Variants in PTPRD observed in about 807,000 individuals in gnomAD.
PTPRD encodes receptor-type tyrosine-protein phosphatase delta.
A neutral mutation model predicts 214.5 loss-of-function variants in PTPRD; 34 were observed. That is an observed-to-expected ratio of 0.16 (90% CI 0.12 to 0.21). The LOEUF (loss-of-function observed/expected upper bound fraction) is 0.21, where lower values mean the gene tolerates loss of function less well. PTPRD is among the 10% of genes least tolerant of loss of function. PTPRD has a pLI of 1.00. For synonymous variants in PTPRD, 1,128 were observed against 845.7 expected, an observed-to-expected ratio of 1.33 and a Z score of -5.79; for missense variants, 2,545 against 2,398.7, an observed-to-expected ratio of 1.06 and a Z score of -1.27.
intron 7 of PTPRD, among the ~76,000 whole-genome samples, chr9:9,606,784 A>C (rs1162883090): frequency 6.6e-6 from 1 of 151,496 alleles, no homozygotes; most frequent in Non-Finnish European, 1.5e-5. Context: ...AGAGGTGGAC[A>C]AATACATTTC....
At chr9:10,463,822 T>C (rs1390179736) in intron 2 of PTPRD, among the ~76,000 whole-genome samples, 3 of 152,106 alleles carry the variant, frequency 2.0e-5, no homozygotes, top group African/African-American at 7.2e-5. Flanking sequence ...CAAGTTGTAA[T>C]TCACATATGA....
chr9:9,756,278 T>C (rs2098576483), intron 6 of PTPRD, among the ~76,000 whole-genome samples: 1 of 152,146 alleles, frequency 6.6e-6, no homozygotes, highest in African/African-American at 2.4e-5. Flanking sequence ...CTATGGTTTC[T>C]CTCTCAGTAT....
intron 8 of PTPRD, among the ~76,000 whole-genome samples, chr9:9,473,763 T>A (rs1254312172): frequency 2.6e-5 from 4 of 152,068 alleles, no homozygotes; most frequent in Non-Finnish European, 5.9e-5. Flanking sequence ...GTTGGTCATG[T>A]GTATGGGTTT....
intron 7 of PTPRD, among the ~76,000 whole-genome samples, chr9:9,642,216 G>A (rs890516905): frequency 5.0e-5 from 7 of 139,124 alleles, no homozygotes; most frequent in African/African-American, 1.9e-4. Context: ...ATTGAACAAT[G>A]AGATCACATG....
At chr9:9,475,165 T>C (rs1248024621) in intron 8 of PTPRD, among the ~76,000 whole-genome samples, 1 of 152,226 alleles carries the variant, frequency 6.6e-6, no homozygotes, top group African/African-American at 2.4e-5. Flanking sequence ...ATACTACTTA[T>C]GTTTACTATT....
At chr9:8,665,591 T>A (rs913885935) in intron 12 of PTPRD, among the ~76,000 whole-genome samples, 6 of 152,162 alleles carry the variant, frequency 3.9e-5, no homozygotes, top group African/African-American at 1.4e-4. Context: ...ACCCATCTAA[T>A]CCAGAGTTGT....
chr9:9,721,885 T>C (rs2097955912), intron 7 of PTPRD, among the ~76,000 whole-genome samples: 1 of 152,032 alleles, frequency 6.6e-6, no homozygotes, highest in African/African-American at 2.4e-5. Flanking sequence ...AGGAAAACAA[T>C]AAAATCTGAG....
At chr9:9,070,579 T>C (rs2099742297) in intron 10 of PTPRD, among the ~76,000 whole-genome samples, 1 of 152,134 alleles carries the variant, frequency 6.6e-6, no homozygotes, top group African/African-American at 2.4e-5. Flanking sequence ...CTATACAGTT[T>C]TTCTTGATTA....
intron 3 of PTPRD, among the ~76,000 whole-genome samples, chr9:10,331,564 A>G (rs2096751321): frequency 6.6e-6 from 1 of 151,832 alleles, no homozygotes; most frequent in South Asian, 2.1e-4. Context: ...AAAGTGGAGC[A>G]GTCAGAGTTG....
At chr9:10,553,993 T>G (rs986434797) in intron 2 of PTPRD, among the ~76,000 whole-genome samples, 17 of 152,190 alleles carry the variant, frequency 1.1e-4, no homozygotes, top group African/African-American at 4.1e-4. Context: ...TCCCCTTTAT[T>G]ATATTTTCTT....
intron 4 of PTPRD, among the ~76,000 whole-genome samples, chr9:10,018,022 G>A (rs1299552375): frequency 6.6e-6 from 1 of 152,062 alleles, no homozygotes; most frequent in Non-Finnish European, 1.5e-5. Context: ...AGTTTTAACA[G>A]CATAAGTTAG....
At chr9:8,628,265 G>C (rs576338983) in intron 14 of PTPRD, among the ~76,000 whole-genome samples, 2 of 151,806 alleles carry the variant, frequency 1.3e-5, no homozygotes, top group East Asian at 3.9e-4. Flanking sequence ...TGCTAATTCT[G>C]ATCACAGGGT....
At chr9:9,433,858 A>G (rs1046955512) in intron 8 of PTPRD, among the ~76,000 whole-genome samples, 1 of 152,232 alleles carries the variant, frequency 6.6e-6, no homozygotes, top group Non-Finnish European at 1.5e-5. Flanking sequence ...ATAAAGTTGT[A>G]TCTGATAGAG....
intron 39 of PTPRD, among the ~76,000 whole-genome samples, chr9:8,355,004 A>G (rs758112703): frequency 2.0e-5 from 3 of 152,138 alleles, no homozygotes; most frequent in Admixed American, 2.0e-4. Flanking sequence ...CTGGTGATAT[A>G]GTTTGGATAT....
intron 30 of PTPRD, among the ~76,000 whole-genome samples, chr9:8,479,170 G>A (rs1038786781): frequency 5.9e-5 from 9 of 152,200 alleles, no homozygotes; most frequent in African/African-American, 1.9e-4. Flanking sequence ...ATACCTGACC[G>A]TGTTACATTA....
At chr9:10,517,303 A>T (rs2050465252) in intron 2 of PTPRD, among the ~76,000 whole-genome samples, 1 of 151,878 alleles carries the variant, frequency 6.6e-6, no homozygotes, top group Admixed American at 6.6e-5. Flanking sequence ...GTTTATTCCT[A>T]AGTGATTATT....
At chr9:10,385,695 T>C (rs1330823554) in intron 2 of PTPRD, among the ~76,000 whole-genome samples, 1 of 151,820 alleles carries the variant, frequency 6.6e-6, no homozygotes, top group African/African-American at 2.4e-5. Flanking sequence ...AGATAATATT[T>C]CACTTATGGC....
intron 35 of PTPRD, among the ~76,000 whole-genome samples, chr9:8,418,268 C>T (rs751955040): frequency 1.1e-4 from 16 of 150,008 alleles, no homozygotes; most frequent in Admixed American, 2.0e-4. Context: ...CAACAAGGTT[C>T]AGCTTAAATC....
intron 3 of PTPRD, among the ~76,000 whole-genome samples, chr9:10,040,207 T>A (rs2154141351): frequency 6.6e-6 from 1 of 152,050 alleles, no homozygotes; most frequent in East Asian, 1.9e-4. Flanking sequence ...TAAAAATGAA[T>A]GTGCTGTTGA....
Sources: allele counts gnomAD v4.1 joint callset (sites outside exome capture counted in the v4.1 genomes callset), GRCh38; gene constraint gnomAD v4.1.1; transcripts MANE v1.5; gene names NCBI Gene and HGNC (gene_info 2026-07-23, HGNC 2026-07-21).